DACH2: variants seen among roughly 807,000 people sequenced by gnomAD.
DACH2 encodes the protein dachshund family transcription factor 2.
In DACH2, 17 loss-of-function variants were observed where a neutral mutation model predicts 35.8. The observed-to-expected ratio is 0.48, with a 90% CI of 0.33 to 0.71. The LOEUF is 0.71. Among genes scored for constraint, DACH2 ranks in the 30% least tolerant of loss-of-function variants. The pLI is 0.02. For missense variants in DACH2, 469 were observed against 472.7 expected (o/e 0.99, Z 0.07); for synonymous variants, 195 against 177.3 (o/e 1.10, Z -0.79).
intron 3 of DACH2, among the ~76,000 whole-genome samples, chrX:86,520,899 A>T (rs777032031): frequency 4.3e-4 from 48 of 111,382 alleles, no homozygotes; most frequent in Middle Eastern, 9.2e-3. Context: ...GCCCATTTAC[A>T]TTCAAGGTTA....
At chrX:86,212,771 C>T (rs1361673715) in intron 1 of DACH2, among the ~76,000 whole-genome samples, 3 of 111,131 alleles carry the variant, frequency 2.7e-5, no homozygotes, top group Admixed American at 9.6e-5. Flanking sequence ...TTCCACTAAA[C>T]GAACATCAAG....
At chrX:86,821,019 T>A (rs967958736) in intron 11 of DACH2, among the ~76,000 whole-genome samples, 1 of 111,225 alleles carries the variant, frequency 9.0e-6, no homozygotes, top group Non-Finnish European at 1.9e-5. Context: ...CGCATATGAT[T>A]TATTGCCATG....
intron 2 of DACH2, among the ~76,000 whole-genome samples, chrX:86,435,643 T>TA (rs2037055899): frequency 8.9e-6 from 1 of 112,025 alleles, no homozygotes; most frequent in African/African-American, 3.2e-5. Flanking sequence ...TGAGTGAAGA[T>TA]ACAGTTGCAA....
At chrX:86,620,204 G>T (rs2040053479) in intron 3 of DACH2, among the ~76,000 whole-genome samples, 1 of 111,906 alleles carries the variant, frequency 8.9e-6, no homozygotes, top group South Asian at 3.7e-4. Context: ...CCAGTGAACT[G>T]TTAACTAGTC....
intron 2 of DACH2, among the ~76,000 whole-genome samples, chrX:86,497,927 G>A (rs1345838361): frequency 1.8e-5 from 2 of 111,542 alleles, no homozygotes; most frequent in Non-Finnish European, 3.8e-5. Context: ...CCAGGAGGTA[G>A]GGGTTGCAGA....
At chrX:86,471,181 T>C (rs1371412439) in intron 2 of DACH2, among the ~76,000 whole-genome samples, 1 of 111,817 alleles carries the variant, frequency 8.9e-6, no homozygotes, top group Non-Finnish European at 1.9e-5. Flanking sequence ...CCTTCAAATA[T>C]GTTTTAAAGC....
At chrX:86,450,054 T>C (rs2037344496) in intron 2 of DACH2, among the ~76,000 whole-genome samples, 1 of 111,630 alleles carries the variant, frequency 9.0e-6, no homozygotes, top group Admixed American at 9.6e-5. Context: ...ATCTACCTTT[T>C]ATGTCTTTTT....
intron 6 of DACH2, among the ~76,000 whole-genome samples, chrX:86,730,751 G>A (rs1161976072): frequency 2.7e-5 from 3 of 111,773 alleles, no homozygotes; most frequent in African/African-American, 9.7e-5. Context: ...ACATAGTGGA[G>A]TTTGCTTTTA....
intron 2 of DACH2, among the ~76,000 whole-genome samples, chrX:86,380,688 A>G (rs1414717544): frequency 9.0e-6 from 1 of 110,498 alleles, no homozygotes; most frequent in African/African-American, 3.3e-5. Flanking sequence ...ATGACTAACA[A>G]TAATCTCCTT....
At chrX:86,534,082 C>T (rs1451885714) in intron 3 of DACH2, among the ~76,000 whole-genome samples, 2 of 112,162 alleles carry the variant, frequency 1.8e-5, no homozygotes, top group Non-Finnish European at 3.8e-5. Context: ...CTAGCAAATT[C>T]CCTATAGCCT....
chrX:86,196,391 A>G (rs779400414), intron 1 of DACH2, among the ~76,000 whole-genome samples: 1 of 110,988 alleles, frequency 9.0e-6, no homozygotes, highest in African/African-American at 3.3e-5. Flanking sequence ...TACAGAAATA[A>G]GAATGAAAAG....
chrX:86,488,515 C>T (rs1023991219), intron 2 of DACH2, among the ~76,000 whole-genome samples: 2 of 110,940 alleles, frequency 1.8e-5, no homozygotes, highest in African/African-American at 6.5e-5. Context: ...AGAGTAATAG[C>T]GTTACGACTT....
intron 7 of DACH2, among the ~76,000 whole-genome samples, chrX:86,774,903 T>C (rs1214166038): frequency 8.9e-6 from 1 of 111,757 alleles, no homozygotes; most frequent in Non-Finnish European, 1.9e-5. Flanking sequence ...ATCAATCTTA[T>C]TGTATTATTA....
At chrX:86,684,512 A>G (rs904352024) in intron 4 of DACH2, among the ~76,000 whole-genome samples, 2 of 111,060 alleles carry the variant, frequency 1.8e-5, no homozygotes, top group Admixed American at 1.9e-4. Context: ...GTAGGAAAAT[A>G]AATTATGTAG....
At chrX:86,273,225 A>T (rs1487021235) in intron 1 of DACH2, among the ~76,000 whole-genome samples, 1 of 112,036 alleles carries the variant, frequency 8.9e-6, no homozygotes, top group Non-Finnish European at 1.9e-5. Context: ...TACCATGAAT[A>T]ATTAGATATT....
At chrX:86,551,563 C>T (rs5967740) in intron 3 of DACH2, among the ~76,000 whole-genome samples, 21,217 of 111,280 alleles carry the variant, frequency 0.19, 1,554 homozygotes, top group East Asian at 0.28. Context: ...TTTCTGTTGA[C>T]ATTTTGCATC....
chrX:86,294,707 G>C (rs1040431804), intron 1 of DACH2, among the ~76,000 whole-genome samples: 1 of 110,268 alleles, frequency 9.1e-6, no homozygotes, highest in Non-Finnish European at 1.9e-5. Flanking sequence ...GCCCCTGCTG[G>C]GGGGTGCCTC....
At chrX:86,405,184 G>A (rs953285729) in intron 2 of DACH2, among the ~76,000 whole-genome samples, 1 of 111,587 alleles carries the variant, frequency 9.0e-6, no homozygotes, top group African/African-American at 3.3e-5. Context: ...CCATTGTCTT[G>A]GTGATTAACA....
intron 7 of DACH2, among the ~76,000 whole-genome samples, chrX:86,762,203 T>C (rs1244741340): frequency 9.0e-6 from 1 of 111,096 alleles, no homozygotes; most frequent in Non-Finnish European, 1.9e-5. Flanking sequence ...TAACTGCAAA[T>C]ACATCGAAAG....
Sources: allele counts gnomAD v4.1 joint callset (sites outside exome capture counted in the v4.1 genomes callset), GRCh38; gene constraint gnomAD v4.1.1; transcripts MANE v1.5; gene names NCBI Gene and HGNC (gene_info 2026-07-23, HGNC 2026-07-21).